DLC1: variants seen among roughly 807,000 people sequenced by gnomAD.
DLC1 encodes the protein DLC1 Rho GTPase activating protein.
DLC1 carries 54 observed loss-of-function variants against 140.3 expected under a neutral mutation model. That is an observed-to-expected ratio of 0.38 (90% CI 0.31 to 0.48). The LOEUF is 0.48. DLC1 is among the 20% of genes least tolerant of loss of function. The probability of loss-of-function intolerance (pLI) is 0.96; values close to 1 mark genes in which losing one functional copy is unlikely to be tolerated. For missense variants in DLC1, 2,536 were observed against 1,907.0 expected (o/e 1.33, Z -6.14); for synonymous variants, 986 against 728.1 (o/e 1.35, Z -5.70).
intron 5 of DLC1, among the ~76,000 whole-genome samples, chr8:13,210,852 C>G (rs568429570): frequency 1.3e-5 from 2 of 152,172 alleles, no homozygotes; most frequent in African/African-American, 4.8e-5. Context: ...AAGTCTCTTT[C>G]CCTGGTCTGA....
At chr8:13,583,763 T>A (rs1805203225) in intron 1 of DLC1, 1 of 152,316 alleles carries the variant, frequency 6.6e-6, no homozygotes, top group Middle Eastern at 3.2e-3. Flanking sequence ...GAGTTCAATG[T>A]CTTTGGAGAT....
chr8:13,474,082 GC>G (rs1181711246), intron 2 of DLC1, among the ~76,000 whole-genome samples: 1 of 152,156 alleles, frequency 6.6e-6, no homozygotes, highest in African/African-American at 2.4e-5. Context: ...CTTCATGGCA[GC>G]CCCTCCCATC....
rs1458768775 is a variant in DLC1 at position 13,188,535 on chromosome 8, G to T, written c.1349-72878C>A. On this transcript the variant is annotated intron_variant, in intron 5 of 17. Coordinates refer to ENST00000276297, the MANE Select transcript of DLC1 (RefSeq NM_182643.3). ...GTATTGGAGATGTTAGATTTCTTAG[G>T]CTGGATGGTGAGTACAAGGAAGTTT... Among the ~76,000 whole-genome samples, 4 of 149,036 alleles carry T rather than the reference G, an allele frequency of 2.7e-5. No homozygotes were observed. The East Asian group carries it at 7.8e-4, about 29-fold the overall frequency.
At chr8:13,381,530 AGGCGTGGCAGTCTCT>A (rs1343369245) in intron 4 of DLC1, among the ~76,000 whole-genome samples, 1 of 152,226 alleles carries the variant, frequency 6.6e-6, no homozygotes, top group African/African-American at 2.4e-5. Flanking sequence ...AGGTCATAAA[AGGCGTGGCAGTCTCT>A]GTCGTTGTCT....
At chr8:13,415,182 C>A (rs986325355) in intron 2 of DLC1, among the ~76,000 whole-genome samples, 1 of 151,858 alleles carries the variant, frequency 6.6e-6, no homozygotes, top group Non-Finnish European at 1.5e-5. Context: ...ATTTAAAACA[C>A]TTTAGTGATT....
At chr8:13,506,567 A>G (rs13252295) in intron 1 of DLC1, among the ~76,000 whole-genome samples, 74,730 of 111,780 alleles carry the variant, frequency 0.67, 21,582 homozygotes, top group Non-Finnish European at 0.73. Flanking sequence ...ACACACACAC[A>G]TGTGTGTGTG....
At chr8:13,158,315 A>G (rs571910417) in intron 5 of DLC1, among the ~76,000 whole-genome samples, 12 of 152,356 alleles carry the variant, frequency 7.9e-5, no homozygotes, top group African/African-American at 2.9e-4. Context: ...AACAAAAGAA[A>G]CAGTATTTTA....
intron 2 of DLC1, among the ~76,000 whole-genome samples, chr8:13,457,726 C>A (rs1415771051): frequency 6.6e-6 from 1 of 150,776 alleles, no homozygotes; most frequent in Non-Finnish European, 1.5e-5. Context: ...ACACACAATC[C>A]CTTCTTTGGA....
At chr8:13,122,966 C>G (rs552225677) in intron 5 of DLC1, among the ~76,000 whole-genome samples, 4 of 152,262 alleles carry the variant, frequency 2.6e-5, no homozygotes, top group African/African-American at 7.2e-5. Context: ...TTCCCTTTCA[C>G]TATTTATTGA....
rs1319786788 is a variant in DLC1 at position 13,175,739 on chromosome 8, C to G, written c.1349-60082G>C. On this transcript the variant is annotated intron_variant, in intron 5 of 17. Coordinates refer to ENST00000276297, the MANE Select transcript of DLC1 (RefSeq NM_182643.3). ...TTTGCATGTTCTTCTTTTTTCTTGT[C>G]TTGGTAGATAATTCTATGACATGCT... Among the ~76,000 whole-genome samples, 11 of 152,156 alleles carry G rather than the reference C, an allele frequency of 7.2e-5. No homozygotes were observed. The East Asian group carries it at 2.1e-3, about 29-fold the overall frequency.
intron 5 of DLC1, among the ~76,000 whole-genome samples, chr8:13,303,731 G>C (rs1832304389): frequency 6.6e-6 from 1 of 152,140 alleles, no homozygotes. Flanking sequence ...GAATCTGGGA[G>C]GTGGAGGTTG....
At chr8:13,213,467 A>G (rs1219663837) in intron 5 of DLC1, among the ~76,000 whole-genome samples, 1 of 152,240 alleles carries the variant, frequency 6.6e-6, no homozygotes, top group African/African-American at 2.4e-5. Context: ...AGAATCTTGA[A>G]AAGATGTTAG....
intron 4 of DLC1, among the ~76,000 whole-genome samples, chr8:13,313,304 G>C (rs777918677): frequency 3.3e-5 from 5 of 152,158 alleles, no homozygotes; most frequent in Non-Finnish European, 5.9e-5. Flanking sequence ...GCTAAGTGCA[G>C]TAATTGCAGA....
At chr8:13,579,319 A>T (rs948442422) in intron 1 of DLC1, among the ~76,000 whole-genome samples, 186 of 2,192 alleles carry the variant, frequency 0.085, 6 homozygotes, top group Middle Eastern at 0.25. Context: ...CTGACTTTAT[A>T]TATATATATA....
chr8:13,493,658 A>C (rs1454176106), intron 2 of DLC1, among the ~76,000 whole-genome samples: 1 of 152,228 alleles, frequency 6.6e-6, no homozygotes, highest in African/African-American at 2.4e-5. Flanking sequence ...TAATTACAAT[A>C]TATTCTATAC....
chr8:13,589,373 A>T (rs1416749930), intron 1 of DLC1, among the ~76,000 whole-genome samples: 3 of 152,274 alleles, frequency 2.0e-5, no homozygotes, highest in East Asian at 3.9e-4. Flanking sequence ...ACAGCAAGGC[A>T]CAATGAGTCT....
chr8:13,294,370 A>G (rs116921546), intron 5 of DLC1, among the ~76,000 whole-genome samples: 2 of 152,294 alleles, frequency 1.3e-5, no homozygotes, highest in East Asian at 3.9e-4. Flanking sequence ...TCAGAAGACA[A>G]TGACAGTCCA....
At chr8:13,478,361 A>G (rs1377290936) in intron 2 of DLC1, among the ~76,000 whole-genome samples, 1 of 152,182 alleles carries the variant, frequency 6.6e-6, no homozygotes, top group Non-Finnish European at 1.5e-5. Context: ...ATCCATTCCC[A>G]TGACCCAGAA....
intron 5 of DLC1, among the ~76,000 whole-genome samples, chr8:13,153,435 A>T (rs1823993838): frequency 6.6e-6 from 1 of 152,236 alleles, no homozygotes; most frequent in Non-Finnish European, 1.5e-5. Context: ...CCAAAGAGCG[A>T]GCAGCAGCAA....
Sources: allele counts gnomAD v4.1 joint callset (sites outside exome capture counted in the v4.1 genomes callset), GRCh38; gene constraint gnomAD v4.1.1; transcripts MANE v1.5; gene names NCBI Gene and HGNC (gene_info 2026-07-23, HGNC 2026-07-21).